CD5: variants seen among roughly 807,000 people sequenced by gnomAD.
CD5 encodes T-cell surface glycoprotein CD5.
Under a neutral mutation model 60.3 loss-of-function variants are expected in CD5, and 36 were observed. That is an observed-to-expected ratio of 0.60 (90% CI 0.46 to 0.79). The LOEUF is 0.79. Ranked by LOEUF, CD5 falls within the 30% of genes least tolerant of loss-of-function variation. The pLI is 0.00. For synonymous variants in CD5, 230 were observed against 257.6 expected, an observed-to-expected ratio of 0.89 and a Z score of 1.03; for missense variants, 540 against 630.6, an observed-to-expected ratio of 0.86 and a Z score of 1.54.
At chr11:61,106,023 G>A (rs1860771430) in intron 1 of CD5, among the ~76,000 whole-genome samples, 1 of 151,402 alleles carries the variant, frequency 6.6e-6, no homozygotes, top group Non-Finnish European at 1.5e-5. Context: ...TACTCAGGAG[G>A]CTGAGGCAGG....
chr11:61,102,874 CAA>C (rs1860719830), intron 1 of CD5, among the ~76,000 whole-genome samples: 2 of 152,222 alleles, frequency 1.3e-5, no homozygotes, highest in Non-Finnish European at 2.9e-5. Context: ...CCTTCCAGTG[CAA>C]GAGAGACTGC....
At position 61,118,029 on chromosome 11, in the gene CD5, A is replaced by G; in HGVS notation, c.95-146A>G. The G allele has an allele frequency of 1.2e-6, 1 of 806,260 alleles. No homozygotes were observed. Among genetic ancestry groups the G allele is most frequent in the Non-Finnish European group, 2.0e-6 (1 of 512,066 alleles). The allele number at this position is 806,260 out of a possible 1,614,324, so 49.9% of individuals were successfully genotyped here. ...CTCTGGGAAGCCCCTGCAGTGCCCC[A>G]GAAGGGACGAAGCTCACAAGGGGCA... On this transcript the variant is annotated intron_variant, in intron 2 of 10. Coordinates refer to ENST00000347785, the MANE Select transcript of CD5 (RefSeq NM_014207.4). The surrounding 1 kb of genome is among the most constrained non-coding windows in gnomAD (Gnocchi z 4.7).
intron 1 of CD5, among the ~76,000 whole-genome samples, chr11:61,109,333 C>T (rs1565183361): frequency 6.6e-6 from 1 of 152,164 alleles, no homozygotes; most frequent in East Asian, 1.9e-4. Flanking sequence ...GTGTTTGAAG[C>T]CAGGTCTCTC....
intron 9 of CD5, among the ~76,000 whole-genome samples, chr11:61,125,368 T>C (rs1198353515): frequency 6.6e-6 from 1 of 152,154 alleles, no homozygotes; most frequent in Non-Finnish European, 1.5e-5. Flanking sequence ...AAACTACTCA[T>C]CTGGAGAGAA....
upstream of CD5, among the ~76,000 whole-genome samples, chr11:61,100,360 T>A (rs200640519): frequency 0.027 from 905 of 33,916 alleles, no homozygotes; most frequent in East Asian, 0.1. Context: ...TGGAGATCAC[T>A]CACACACATC....
At chr11:61,099,409 T>TCACACACACACCTCAACATGGAGATTA (rs111843769), upstream of CD5, among the ~76,000 whole-genome samples, 2 of 128,162 alleles carry the variant, frequency 1.6e-5, no homozygotes, top group Admixed American at 7.4e-5. Flanking sequence ...AACATGGAAA[T>TCACACACACACCTCAACATGGAGATTA]CACACACATC....
chr11:61,100,053 C>A (rs1472404764), upstream of CD5, among the ~76,000 whole-genome samples: 1 of 148,992 alleles, frequency 6.7e-6, no homozygotes, highest in African/African-American at 2.5e-5. Flanking sequence ...AGATCACACA[C>A]ACACATCAAC....
At chr11:61,104,055 T>A (rs921490180) in intron 1 of CD5, among the ~76,000 whole-genome samples, 1 of 134,316 alleles carries the variant, frequency 7.4e-6, no homozygotes, top group African/African-American at 3.0e-5. Context: ...GGGGAATGTG[T>A]GAGTCTGTGT....
At chr11:61,125,877 G>A (rs1422313552) in intron 10 of CD5, 36 bp downstream of exon 10, 1 of 1,497,250 alleles carries the variant, frequency 6.7e-7, no homozygotes, top group South Asian at 1.2e-5. Context: ...AGCACCCCAG[G>A]GTCCCCCACA....
upstream of CD5, chr11:61,102,303 A>T (rs1176683140): frequency 3.7e-6 from 2 of 547,376 alleles, no homozygotes; most frequent in Non-Finnish European, 6.6e-6. Context: ...GCACTGCCCC[A>T]GCCCTGGGTA....
intron 5 of CD5, among the ~76,000 whole-genome samples, 163 bp downstream of exon 5, chr11:61,119,738 G>C (rs1362895657): frequency 6.6e-6 from 1 of 152,176 alleles, no homozygotes; most frequent in Non-Finnish European, 1.5e-5. Flanking sequence ...CAAGGGTTGG[G>C]GTGGGGAGGA....
At chr11:61,116,811 CCA>C (rs1248610534) in intron 2 of CD5, among the ~76,000 whole-genome samples, 1 of 145,224 alleles carries the variant, frequency 6.9e-6, no homozygotes, top group Non-Finnish European at 1.5e-5. Context: ...ACTACACACA[CCA>C]CACACACATA....
At position 61,126,688 on chromosome 11, in the gene CD5, G is replaced by C. The variant is rs1342542374; in HGVS notation, c.*403G>C. ...GCGAGTGCATTTTGAATAGTTTTTT[G>C]TAAGTAGTGCTTTTCCTCCTTCCTG... On this transcript the variant is annotated 3_prime_UTR_variant, in exon 11 of 11. Coordinates refer to ENST00000347785, the MANE Select transcript of CD5 (RefSeq NM_014207.4). 6.6e-6 allele frequency: 1 copy of C among 152,318 alleles called. No homozygotes were observed. Among genetic ancestry groups the C allele is most frequent in the African/African-American group, 2.4e-5 (1 of 41,450 alleles). 9.4% of individuals were successfully genotyped at this position (152,318 alleles called of 1,614,324 possible). A position where few individuals can be genotyped will look rare whatever the true frequency, so the allele number is the denominator to read the frequency against.
chr11:61,106,796 C>T (rs1039408098), intron 1 of CD5, among the ~76,000 whole-genome samples: 3 of 152,132 alleles, frequency 2.0e-5, no homozygotes, highest in Non-Finnish European at 4.4e-5. Flanking sequence ...TCTGCTTGGC[C>T]ACCCACAAGT....
chr11:61,115,671 A>G (rs751629336), intron 2 of CD5, among the ~76,000 whole-genome samples: 12 of 152,204 alleles, frequency 7.9e-5, no homozygotes, highest in Non-Finnish European at 1.5e-4. Flanking sequence ...AATACATGAC[A>G]CTTTTTAACC....
At chr11:61,113,953 G>C (rs1257520487) in intron 1 of CD5, among the ~76,000 whole-genome samples, 1 of 152,084 alleles carries the variant, frequency 6.6e-6, no homozygotes, top group African/African-American at 2.4e-5. Flanking sequence ...TATAGGCATG[G>C]GCCACCGTGC....
intron 2 of CD5, 89 bp downstream of exon 2, chr11:61,115,183 C>G (rs886556788): frequency 2.2e-5 from 28 of 1,246,062 alleles, no homozygotes; most frequent in Non-Finnish European, 2.5e-5. Context: ...CTCGATGAAG[C>G]CATCACTTCT....
chr11:61,119,125 G>A, intron 4 of CD5, 109 bp from the exon 5 acceptor site: 1 of 1,217,472 alleles, frequency 8.2e-7, no homozygotes, highest in Non-Finnish European at 1.2e-6. Flanking sequence ...ACCTCCCAAG[G>A]CTAAGCGTTA....
At chr11:61,114,949 TA>T (rs1337034722) in intron 1 of CD5, 106 bp from the exon 2 acceptor site, 9 of 988,088 alleles carry the variant, frequency 9.1e-6, no homozygotes, top group Non-Finnish European at 1.2e-5. Context: ...TGATAGTGGA[TA>T]GGGGGAGGCA....
Sources: allele counts gnomAD v4.1 joint callset (sites outside exome capture counted in the v4.1 genomes callset), GRCh38; gene constraint gnomAD v4.1.1; non-coding constraint Gnocchi (gnomAD v3.1); transcripts MANE v1.5; gene names NCBI Gene and HGNC (gene_info 2026-07-23, HGNC 2026-07-21).